The following KDM2A variants were observed in gnomAD, a reference collection of about 807,000 sequenced individuals.
The protein encoded by KDM2A is lysine demethylase 2A, also known as lysine-specific demethylase 2A.
A neutral mutation model predicts 137.3 loss-of-function variants in KDM2A; 3 were observed. The ratio of observed to expected loss-of-function variants is 0.02; its 90% confidence interval spans 0.01 to 0.06. The LOEUF (loss-of-function observed/expected upper bound fraction) is 0.06, where lower values mean the gene tolerates loss of function less well. Among genes scored for constraint, KDM2A ranks in the 10% least tolerant of loss-of-function variants. The pLI is 1.00. For missense variants in KDM2A, 738 were observed against 1,510.6 expected (o/e 0.49, Z 8.48); for synonymous variants, 512 against 541.5 (o/e 0.95, Z 0.76).
chr11:67,239,773 C>A (rs1367360887), intron 12 of KDM2A, among the ~76,000 whole-genome samples: 1 of 152,244 alleles, frequency 6.6e-6, no homozygotes, highest in Non-Finnish European at 1.5e-5. Context: ...GTGTAGCCCG[C>A]AGAATGAGTT....
intron 5 of KDM2A, chr11:67,196,117 G>C (rs1038565125): frequency 5.2e-6 from 2 of 387,436 alleles, no homozygotes; most frequent in Admixed American, 6.3e-5. Context: ...AAATTGAGGA[G>C]CAACGACATA....
intron 2 of KDM2A, among the ~76,000 whole-genome samples, chr11:67,123,604 TGTTA>T (rs1208005403): frequency 2.0e-5 from 3 of 152,120 alleles, no homozygotes; most frequent in African/African-American, 2.4e-5. Flanking sequence ...CATGTCAAGT[TGTTA>T]GTTAGGTATC....
chr11:67,240,621 G>T (rs756063226), intron 12 of KDM2A, among the ~76,000 whole-genome samples: 9 of 152,150 alleles, frequency 5.9e-5, no homozygotes, highest in Non-Finnish European at 1.3e-4. Flanking sequence ...TTCCCTTCCT[G>T]TGATCTGTAG....
chr11:67,169,547 TTG>T (rs1473808547), intron 2 of KDM2A, among the ~76,000 whole-genome samples: 1 of 149,162 alleles, frequency 6.7e-6, no homozygotes, highest in Non-Finnish European at 1.5e-5. Context: ...ACCTGGCTAA[TTG>T]TTTTTTGGTA....
intron 2 of KDM2A, among the ~76,000 whole-genome samples, chr11:67,122,783 C>T (rs908935069): frequency 6.6e-6 from 1 of 151,904 alleles, no homozygotes; most frequent in African/African-American, 2.4e-5. Context: ...TCACACCATT[C>T]TCCTGCCTCA....
At chr11:67,205,513 G>A (rs1447917947) in intron 5 of KDM2A, among the ~76,000 whole-genome samples, 1 of 151,512 alleles carries the variant, frequency 6.6e-6, no homozygotes, top group East Asian at 1.9e-4. Flanking sequence ...CTACAGCCTC[G>A]ACCTCCTGGG....
chr11:67,155,915 C>T (rs1384990658), intron 2 of KDM2A, among the ~76,000 whole-genome samples: 7 of 119,352 alleles, frequency 5.9e-5, no homozygotes, highest in Admixed American at 9.7e-5. Context: ...TGCGCCTGGC[C>T]GGTTTTTATT....
At chr11:67,138,099 CTATAG>C (rs1336046845) in intron 2 of KDM2A, among the ~76,000 whole-genome samples, 3 of 151,966 alleles carry the variant, frequency 2.0e-5, no homozygotes, top group Admixed American at 2.0e-4. Context: ...CCTGGCCAAA[CTATAG>C]TATTATTATA....
At chr11:67,199,224 C>T (rs1857559492) in intron 5 of KDM2A, among the ~76,000 whole-genome samples, 1 of 152,126 alleles carries the variant, frequency 6.6e-6, no homozygotes, top group Non-Finnish European at 1.5e-5. Context: ...CTCCTCAGGC[C>T]TCCCTATTTC....
chr11:67,250,616 GGAGGAGGAGGAAGATGACAGTGCA>G lies in KDM2A; in HGVS notation c.2594_2617del (p.Glu865_Glu872del). The G allele has an allele frequency of 6.2e-7, 1 of 1,612,968 alleles. No homozygotes were observed. Among genetic ancestry groups the G allele is most frequent in the Non-Finnish European group, 8.5e-7 (1 of 1,179,170 alleles). ...GGGGAGAGGAGGAGGAAGAGGAGGAGGAGGAGGAGGAAGATGACAGTGCAGAGGAGGGGGGTGCAGCCAGGCTGA... is the reference window on the plus strand; with the variant it reads ...GGGGAGAGGAGGAGGAAGAGGAGGAGGAGGAGGGGGGTGCAGCCAGGCTGA... On this transcript the variant is annotated inframe_deletion, in exon 17 of 21. Coordinates refer to ENST00000529006, the MANE Select transcript of KDM2A (RefSeq NM_012308.3). This position sits in a 1 kb window ranked among gnomAD's most constrained non-coding sequence, Gnocchi z 7.1.
chr11:67,127,161 G>C (rs991559905), intron 2 of KDM2A, among the ~76,000 whole-genome samples: 2 of 152,106 alleles, frequency 1.3e-5, no homozygotes, highest in African/African-American at 4.8e-5. Flanking sequence ...GCAGTGGTGT[G>C]ATCATTCCTC....
At chr11:67,159,397 A>G (rs897882598) in intron 2 of KDM2A, among the ~76,000 whole-genome samples, 2 of 152,016 alleles carry the variant, frequency 1.3e-5, no homozygotes, top group Non-Finnish European at 2.9e-5. Flanking sequence ...CATTGTATAG[A>G]TTAATTTGTT....
chr11:67,150,133 G>GT (rs1173202949), intron 2 of KDM2A, among the ~76,000 whole-genome samples: 2 of 152,168 alleles, frequency 1.3e-5, no homozygotes, highest in East Asian at 3.8e-4. Flanking sequence ...CCCTAGACAA[G>GT]TTTAATTAAA....
rs1008696692 is a variant in KDM2A, at chr11:67,233,606, T to C, written c.1479+1646T>C. 5.0e-5 allele frequency among the ~76,000 whole-genome samples: 6 copies of C among 120,062 alleles called. No individual in the cohort carries two copies. The East Asian group carries it at 1.5e-3, about 30-fold the overall frequency. The allele number at this position is 120,062 out of a possible 152,430, so 78.8% of individuals were successfully genotyped here. Reference sequence around the variant, plus strand: ...GGCAAAGGTTGCAGTGAGCCGAGATTGCGCCATTGCACTCCAGCCTGGGTG... The same window carrying C: ...GGCAAAGGTTGCAGTGAGCCGAGATCGCGCCATTGCACTCCAGCCTGGGTG... On this transcript the variant is annotated intron_variant, in intron 12 of 20. Coordinates refer to ENST00000529006, the MANE Select transcript of KDM2A (RefSeq NM_012308.3).
At chr11:67,132,002 TA>T (rs1855864166) in intron 2 of KDM2A, 1 of 152,202 alleles carries the variant, frequency 6.6e-6, no homozygotes, top group Admixed American at 6.5e-5. Context: ...AGTTAAACCC[TA>T]AAGATAAAAG....
chr11:67,224,827 C>CTTTT (rs1204370255), intron 10 of KDM2A, among the ~76,000 whole-genome samples: 3 of 110,686 alleles, frequency 2.7e-5, no homozygotes, highest in African/African-American at 1.4e-4. Flanking sequence ...GCAGCTGCAG[C>CTTTT]ATTTTTTTTT....
intron 5 of KDM2A, among the ~76,000 whole-genome samples, chr11:67,195,043 A>T (rs2136356712): frequency 6.6e-6 from 1 of 152,304 alleles, no homozygotes; most frequent in African/African-American, 2.4e-5. Flanking sequence ...AGTGTAGAAT[A>T]TATGCAATTC....
chr11:67,232,328 T>C (rs1477559540), intron 12 of KDM2A, among the ~76,000 whole-genome samples: 2 of 152,234 alleles, frequency 1.3e-5, no homozygotes, highest in African/African-American at 4.8e-5. Flanking sequence ...AGTCTCATCC[T>C]AAGCAGATTG....
intron 5 of KDM2A, chr11:67,196,723 A>G (rs1035905863): frequency 1.7e-5 from 5 of 301,806 alleles, no homozygotes; most frequent in Middle Eastern, 1.2e-3. Context: ...AAGAAGGGCA[A>G]TGGGGACTTA....
Sources: allele counts gnomAD v4.1 joint callset (sites outside exome capture counted in the v4.1 genomes callset), GRCh38; gene constraint gnomAD v4.1.1; non-coding constraint Gnocchi (gnomAD v3.1); transcripts MANE v1.5; gene names NCBI Gene and HGNC (gene_info 2026-07-23, HGNC 2026-07-21).